The following CALN1 variants were observed in gnomAD, a reference collection of about 807,000 sequenced individuals.
CALN1 encodes calcium-binding protein 8.
In CALN1, 17 loss-of-function variants were observed where a neutral mutation model predicts 30.6. The ratio of observed to expected loss-of-function variants is 0.56; its 90% CI spans 0.38 to 0.83. The LOEUF (loss-of-function observed/expected upper bound fraction) is 0.83. Ranked by LOEUF, CALN1 falls within the 40% of genes least tolerant of loss-of-function variation. The pLI is 0.00. For missense variants in CALN1, 291 were observed against 354.9 expected, an observed-to-expected ratio of 0.82 and a Z score of 1.45; for synonymous variants, 156 against 131.4, an observed-to-expected ratio of 1.19 and a Z score of -1.28.
chr7:72,255,394 CTTT>C (rs869123046), intron 3 of CALN1, among the ~76,000 whole-genome samples: 1 of 115,632 alleles, frequency 8.6e-6, no homozygotes, highest in African/African-American at 3.0e-5. Flanking sequence ...AGCCTTTTTT[CTTT>C]TCTTTTCTTT....
At chr7:71,871,755 T>G (rs1426486681) in intron 5 of CALN1, among the ~76,000 whole-genome samples, 1 of 152,142 alleles carries the variant, frequency 6.6e-6, no homozygotes, top group Non-Finnish European at 1.5e-5. Context: ...TGGTTTCCCA[T>G]CACTCACTCT....
chr7:72,499,814 CTTCCTTCCTTCCTTCTTTCTTTCT>C, the CALN1 span, among the ~76,000 whole-genome samples: 1 of 57,108 alleles, frequency 1.8e-5, no homozygotes, highest in Non-Finnish European at 3.1e-5. Flanking sequence ...TCCTTCCTTC[CTTCCTTCCTTCCTTCTTTCTTTCT>C]TTCTTTCTTT....
At position 72,162,780 on chromosome 7, in the gene CALN1, T is replaced by C. The variant is rs1423273154; in HGVS notation, c.245-56486A>G. On this transcript the variant is annotated intron_variant, in intron 3 of 6. Transcript: ENST00000395275. ...AACAAAGAGGACACATACATGTTTATATGGCTTTTCTTCTGAAGATACTCC... is the reference window on the plus strand; with the variant it reads ...AACAAAGAGGACACATACATGTTTACATGGCTTTTCTTCTGAAGATACTCC... Among the ~76,000 whole-genome samples the C allele has an allele frequency of 5.3e-5, 8 of 152,270 alleles. No individual in the cohort carries two copies. The East Asian group carries it at 1.5e-3, about 29-fold the overall frequency.
intron 4 of CALN1, among the ~76,000 whole-genome samples, chr7:72,062,604 T>C (rs1031868346): frequency 1.3e-5 from 2 of 149,966 alleles, no homozygotes; most frequent in African/African-American, 4.9e-5. Flanking sequence ...TATGGGTAAA[T>C]ATAAGATTAT....
At chr7:72,421,664 A>G (rs986111725) in intron 1 of CALN1, among the ~76,000 whole-genome samples, 74 of 139,110 alleles carry the variant, frequency 5.3e-4, no homozygotes, top group East Asian at 2.8e-3. Context: ...CTCACTCACT[A>G]CAACCTCCGC....
At chr7:71,870,288 CAGG>C (rs1791846161) in intron 5 of CALN1, among the ~76,000 whole-genome samples, 2 of 151,848 alleles carry the variant, frequency 1.3e-5, no homozygotes, top group Non-Finnish European at 2.9e-5. Context: ...GAGGCTGAGG[CAGG>C]AGAATTCCTT....
intron 2 of CALN1, among the ~76,000 whole-genome samples, chr7:72,297,353 T>A (rs964099227): frequency 9.9e-5 from 15 of 152,134 alleles, no homozygotes; most frequent in African/African-American, 4.8e-5. Flanking sequence ...AGAAAACAGA[T>A]AATTTGAAAA....
intron 3 of CALN1, among the ~76,000 whole-genome samples, chr7:72,124,776 GA>G (rs541056818): frequency 6.7e-6 from 1 of 149,348 alleles, no homozygotes; most frequent in Non-Finnish European, 1.5e-5. Context: ...ACAACCTGAA[GA>G]AAAAAAACAA....
intron 2 of CALN1, among the ~76,000 whole-genome samples, chr7:72,374,158 C>G (rs1003486442): frequency 2.6e-5 from 4 of 152,124 alleles, no homozygotes; most frequent in Non-Finnish European, 4.4e-5. Context: ...AGAAAGGAAA[C>G]CTGAAACCTT....
chr7:72,047,686 C>T (rs538859466), intron 4 of CALN1, among the ~76,000 whole-genome samples: 1 of 152,310 alleles, frequency 6.6e-6, no homozygotes, highest in Admixed American at 6.5e-5. Context: ...CTACCTGGGA[C>T]GCGCTGGCAG....
intron 3 of CALN1, among the ~76,000 whole-genome samples, chr7:72,197,393 G>C (rs1232513): frequency 2.6e-5 from 4 of 151,758 alleles, no homozygotes; most frequent in African/African-American, 9.7e-5. Flanking sequence ...GTAGAGACGG[G>C]GTTTTGCCAT....
intron 3 of CALN1, among the ~76,000 whole-genome samples, chr7:72,161,352 C>G (rs1386525721): frequency 1.3e-5 from 2 of 152,128 alleles, no homozygotes; most frequent in African/African-American, 2.4e-5. Flanking sequence ...GATAATCACC[C>G]AGCCCTGTCA....
At chr7:72,376,406 T>G (rs780552760) in intron 2 of CALN1, among the ~76,000 whole-genome samples, 2 of 152,262 alleles carry the variant, frequency 1.3e-5, no homozygotes, top group Non-Finnish European at 2.9e-5. Context: ...GCTGTTGTTA[T>G]CACCAACCTA....
At chr7:72,340,685 A>G (rs910011338) in intron 2 of CALN1, among the ~76,000 whole-genome samples, 1 of 152,070 alleles carries the variant, frequency 6.6e-6, no homozygotes, top group African/African-American at 2.4e-5. Flanking sequence ...ATGCGCATAG[A>G]AGGTGATATG....
chr7:72,022,985 GTGTCTAAC>G (rs939084043), intron 5 of CALN1, among the ~76,000 whole-genome samples: 3 of 149,916 alleles, frequency 2.0e-5, no homozygotes, highest in Non-Finnish European at 3.0e-5. Context: ...GGCGTTTTAC[GTGTCTAAC>G]TGGTAATTTA....
At chr7:72,441,171 A>G (rs1468149855) in intron 1 of CALN1, among the ~76,000 whole-genome samples, 1 of 152,200 alleles carries the variant, frequency 6.6e-6, no homozygotes, top group Non-Finnish European at 1.5e-5. Context: ...ATCTGTGAAG[A>G]AAAAGAGAAC....
At chr7:71,813,186 T>C (rs1297276170) in intron 5 of CALN1, among the ~76,000 whole-genome samples, 4 of 702 alleles carry the variant, frequency 5.7e-3, no homozygotes, top group Non-Finnish European at 8.7e-3. Context: ...GCTGGGATTA[T>C]AGGCATGTGC....
At chr7:72,121,177 T>C (rs1379193652) in intron 3 of CALN1, among the ~76,000 whole-genome samples, 1 of 144,870 alleles carries the variant, frequency 6.9e-6, no homozygotes, top group Non-Finnish European at 1.5e-5. Context: ...TATATATAAT[T>C]ATATATTATG....
chr7:72,487,856 GAAAGAAAGAAAGAAAGAAAGAAAGAAAGA>G, the CALN1 span, among the ~76,000 whole-genome samples: 1,264 of 56,380 alleles, frequency 0.022, 23 homozygotes, highest in Non-Finnish European at 0.029. Context: ...AAAAGAAAGA[GAAAGAAAGAAAGAAAGAAAGAAAGAAAGA>G]AAAGAAAAGA....
Sources: gnomAD v4.1 joint callset for allele counts (sites outside exome capture counted in the v4.1 genomes callset) on GRCh38, gnomAD v4.1.1 for gene constraint, MANE v1.5 for transcripts, NCBI Gene and HGNC (gene_info 2026-07-23, HGNC 2026-07-21) for gene names.